Variants in SETD5 observed in about 807,000 individuals in gnomAD.
SETD5 encodes the protein SET domain containing 5, also known as histone-lysine N-methyltransferase SETD5.
A neutral mutation model predicts 153.3 loss-of-function variants in SETD5; 44 were observed. The observed-to-expected ratio is 0.29, with a 90% CI of 0.23 to 0.37. SETD5 has a LOEUF of 0.37. Among genes scored for constraint, SETD5 ranks in the 10% least tolerant of loss-of-function variants. The pLI is 1.00. For synonymous variants in SETD5, 716 were observed against 645.2 expected (o/e 1.11, Z -1.66); for missense variants, 1,544 against 1,768.0 (o/e 0.87, Z 2.27).
At chr3:9,458,470 G>C (rs1559462275) in intron 17 of SETD5, among the ~76,000 whole-genome samples, 1 of 152,068 alleles carries the variant, frequency 6.6e-6, no homozygotes, top group Non-Finnish European at 1.5e-5. Flanking sequence ...ATAAAAATTA[G>C]CCAGGCATGA....
At chr3:9,424,083 G>A (rs2124960319) in intron 1 of SETD5, among the ~76,000 whole-genome samples, 1 of 152,258 alleles carries the variant, frequency 6.6e-6, no homozygotes, top group Non-Finnish European at 1.5e-5. Context: ...CGGACATCGG[G>A]TTAAAGAAAG....
rs2125270860 is a variant in SETD5 at position 9,447,033 on chromosome 3, G to A, written c.1525-17G>A. On this transcript the variant is annotated splice_polypyrimidine_tract_variant and intron_variant, in intron 13 of 22. Transcript: ENST00000402198. The stretch of plus-strand genomic sequence containing the variant: ...TCATTTGAAGCTTCCTTCTACACCA[G>A]TACTATCTCTTTCTAGACCAGGGAA... The A allele has an allele frequency of 6.3e-7, 1 of 1,596,954 alleles. No homozygotes were observed. Among genetic ancestry groups the A allele is most frequent in the Non-Finnish European group, 8.5e-7 (1 of 1,171,108 alleles).
At chr3:9,408,949 T>C (rs753462083) in intron 1 of SETD5, among the ~76,000 whole-genome samples, 2 of 152,216 alleles carry the variant, frequency 1.3e-5, no homozygotes, top group Non-Finnish European at 2.9e-5. Context: ...ATTTTTAATT[T>C]TATAAGTGTC....
chr3:9,418,504 T>G (rs1206820289), intron 1 of SETD5, among the ~76,000 whole-genome samples: 1 of 152,158 alleles, frequency 6.6e-6, no homozygotes, highest in East Asian at 1.9e-4. Flanking sequence ...GATCTAATAT[T>G]TAGTGTGTAA....
At chr3:9,468,286 A>G (rs1220171595) in intron 18 of SETD5, among the ~76,000 whole-genome samples, 1 of 152,096 alleles carries the variant, frequency 6.6e-6, no homozygotes, top group Non-Finnish European at 1.5e-5. Context: ...ATGAAACATT[A>G]TAACCAATTT....
chr3:9,435,991 A>G, intron 7 of SETD5, 85 bp downstream of exon 7: 1 of 1,335,522 alleles, frequency 7.5e-7, no homozygotes, highest in Non-Finnish European at 1.0e-6. Flanking sequence ...TTCTTTTAAG[A>G]AGTTTGATCC....
At chr3:9,471,266 G>A (rs2045268122) in intron 19 of SETD5, among the ~76,000 whole-genome samples, 1 of 152,220 alleles carries the variant, frequency 6.6e-6, no homozygotes, top group Admixed American at 6.5e-5. Flanking sequence ...AAGCCTATAA[G>A]ATAGGCAATT....
intron 3 of SETD5, chr3:9,432,273 C>A (rs1287560377): frequency 1.0e-6 from 1 of 984,818 alleles, no homozygotes; most frequent in Admixed American, 6.2e-5. Flanking sequence ...TAGAAATTTC[C>A]TTTGCTGTTA....
chr3:9,451,497 A>C (rs1460963836), intron 16 of SETD5, among the ~76,000 whole-genome samples: 1 of 152,160 alleles, frequency 6.6e-6, no homozygotes, highest in African/African-American at 2.4e-5. Context: ...TCCAGGCTGG[A>C]GTGCAGTGGC....
intron 16 of SETD5, among the ~76,000 whole-genome samples, chr3:9,450,706 A>G (rs970728408): frequency 2.6e-5 from 4 of 152,194 alleles, no homozygotes; most frequent in African/African-American, 9.6e-5. Flanking sequence ...TCAGATAGAT[A>G]AGAAAACCCT....
chr3:9,447,285 C>T lies in SETD5; in HGVS notation c.1760C>T (p.Thr587Ile). Reference sequence around the variant, plus strand: ...ACCCCACAGAGTGTTGGTGTGAATACCCGGAGGTCTTCCCAAGCAGGGGTA... The same window carrying T: ...ACCCCACAGAGTGTTGGTGTGAATATCCGGAGGTCTTCCCAAGCAGGGGTA... ...PSTPQSVGVN[T>I]RRSSQAGDIA... Residue 587 changes from threonine to isoleucine, a missense_variant, in exon 14 of 23, where the codon ACC (threonine) becomes ATC (isoleucine). Around this residue, in one of 9 missense-constraint regions of SETD5, gnomAD observed 782 missense variants for 787.2 expected, o/e 0.99. Transcript: ENST00000402198. 4 of 1,613,342 alleles carry T rather than the reference C, an allele frequency of 2.5e-6. No individual in the cohort carries two copies. The highest frequency in any genetic ancestry group is 3.4e-6 in the Non-Finnish European group (4 of 1,179,664).
chr3:9,462,394 T>C (rs1025763225), intron 17 of SETD5, among the ~76,000 whole-genome samples: 10 of 151,150 alleles, frequency 6.6e-5, no homozygotes, highest in Admixed American at 6.6e-4. Flanking sequence ...AAGACCATCC[T>C]GGCCAACATG....
At chr3:9,404,735 A>G (rs765514766) in intron 1 of SETD5, among the ~76,000 whole-genome samples, 4 of 152,158 alleles carry the variant, frequency 2.6e-5, no homozygotes, top group Non-Finnish European at 4.4e-5. Context: ...CATTGCTCCT[A>G]TTACCTGGAT....
At position 9,433,710 on chromosome 3, in the gene SETD5, T is replaced by C. The variant is rs1157802909; in HGVS notation, c.72-135T>C. The C allele has an allele frequency of 3.1e-6, 3 of 963,942 alleles. No homozygotes were observed. The African/African-American group carries it at 4.9e-5, about 16-fold the overall frequency. The allele number at this position is 963,942 out of a possible 1,614,324, so 59.7% of individuals were successfully genotyped here. Reference sequence around the variant, plus strand: ...AGGCTTAGTTATGTTAATAAGATTGTTTCACCGAGTTCTTTCTCTTATCCT... The same window carrying C: ...AGGCTTAGTTATGTTAATAAGATTGCTTCACCGAGTTCTTTCTCTTATCCT... On this transcript the variant is annotated intron_variant, in intron 3 of 22. Transcript: ENST00000402198.
intron 18 of SETD5, among the ~76,000 whole-genome samples, chr3:9,468,088 T>G (rs747735524): frequency 1.3e-5 from 2 of 150,308 alleles, no homozygotes; most frequent in Non-Finnish European, 3.0e-5. Context: ...AATAAAGAAA[T>G]GTGACAAGCA....
chr3:9,421,301 T>C (rs1251209043), intron 1 of SETD5, among the ~76,000 whole-genome samples: 2 of 152,076 alleles, frequency 1.3e-5, no homozygotes, highest in African/African-American at 4.8e-5. Flanking sequence ...CTTTTTTTTC[T>C]TTTCTTTTTT....
rs750255633 is a variant in SETD5 at position 9,431,194 on chromosome 3, G to A, written c.71+2185G>A. On this transcript the variant is annotated intron_variant, in intron 3 of 22. Coordinates refer to ENST00000402198, the MANE Select transcript of SETD5 (RefSeq NM_001080517.3). ...TGTGTTTGTAGGAAAATTTGTAGAT[G>A]TAACAAGCAAAACAAAGATTTTTCT... The A allele has an allele frequency of 7.5e-5, 74 of 985,300 alleles. 1 individual carries two copies. Among genetic ancestry groups the A allele is most frequent in the Middle Eastern group, 5.2e-4 (1 of 1,936 alleles). The allele number at this position is 985,300 out of a possible 1,614,324, so 61.0% of individuals were successfully genotyped here. A position where few individuals can be genotyped will look rare whatever the true frequency, so the allele number is the denominator to read the frequency against.
intron 1 of SETD5, among the ~76,000 whole-genome samples, chr3:9,422,944 C>A (rs2038625734): frequency 6.6e-6 from 1 of 152,230 alleles, no homozygotes; most frequent in African/African-American, 2.4e-5. Context: ...TGTTCTCTTT[C>A]TGAAGCGGCA....
At position 9,453,594 on chromosome 3, in the gene SETD5, G is replaced by A. The variant is rs1218768569; in HGVS notation, c.2347-145G>A. The A allele has an allele frequency of 7.3e-6, 5 of 685,214 alleles. No individual in the cohort carries two copies. In the Admixed American group the frequency reaches 1.1e-4, roughly 16 times the overall value. 42.4% of individuals were successfully genotyped at this position (685,214 alleles called of 1,614,324 possible). ...TGATAGGACAATGTTCCAATATGCT[G>A]AGACACAAGACAATAAAATGCTTGA... On this transcript the variant is annotated intron_variant, in intron 16 of 22. Transcript: ENST00000402198.
Sources: allele counts gnomAD v4.1 joint callset (sites outside exome capture counted in the v4.1 genomes callset), GRCh38; gene constraint gnomAD v4.1.1; regional missense constraint gnomAD v4.1.1; transcripts MANE v1.5; gene names NCBI Gene and HGNC (gene_info 2026-07-23, HGNC 2026-07-21).